HS6ST3: variants seen among roughly 807,000 people sequenced by gnomAD.
HS6ST3 encodes the protein heparan sulfate 6-O-sulfotransferase 3.
HS6ST3 carries 12 observed loss-of-function variants against 36.7 expected under a neutral mutation model. The observed-to-expected ratio is 0.33, with a 90% CI of 0.21 to 0.53. The LOEUF is 0.53. Ranked by LOEUF, HS6ST3 falls within the 20% of genes least tolerant of loss-of-function variation. The probability of loss-of-function intolerance (pLI) is 0.95; values close to 1 mark genes in which losing one functional copy is unlikely to be tolerated. For synonymous variants in HS6ST3, 240 were observed against 257.5 expected, an observed-to-expected ratio of 0.93 and a Z score of 0.65; for missense variants, 584 against 640.9, an observed-to-expected ratio of 0.91 and a Z score of 0.96.
At chr13:96,153,018 C>T (rs2054094587) in intron 1 of HS6ST3, among the ~76,000 whole-genome samples, 1 of 152,196 alleles carries the variant, frequency 6.6e-6, no homozygotes, top group Non-Finnish European at 1.5e-5. Flanking sequence ...TACCACTCTT[C>T]AGTAGCACCT....
chr13:96,634,066 A>G (rs957389781), intron 1 of HS6ST3, among the ~76,000 whole-genome samples: 2 of 152,166 alleles, frequency 1.3e-5, no homozygotes, highest in African/African-American at 2.4e-5. Context: ...ATGAGGAGGC[A>G]GCCATCTGCA....
intron 1 of HS6ST3, among the ~76,000 whole-genome samples, chr13:96,393,410 T>G (rs1157001082): frequency 6.6e-6 from 1 of 152,214 alleles, no homozygotes; most frequent in Non-Finnish European, 1.5e-5. Flanking sequence ...TTATAATAAC[T>G]TAAAAAGTGA....
At chr13:96,615,939 A>G (rs2056472914) in intron 1 of HS6ST3, among the ~76,000 whole-genome samples, 1 of 152,210 alleles carries the variant, frequency 6.6e-6, no homozygotes, top group African/African-American at 2.4e-5. Flanking sequence ...AATTATAGTA[A>G]ATGAAACTTT....
chr13:96,093,812 G>A (rs73545180), intron 1 of HS6ST3, among the ~76,000 whole-genome samples: 38 of 152,258 alleles, frequency 2.5e-4, no homozygotes, highest in African/African-American at 8.7e-4. Context: ...TTAGTTGTCT[G>A]TCATTGTAAT....
chr13:96,460,818 A>G (rs2055780616), intron 1 of HS6ST3, among the ~76,000 whole-genome samples: 1 of 152,168 alleles, frequency 6.6e-6, no homozygotes, highest in African/African-American at 2.4e-5. Flanking sequence ...GACCTATTTG[A>G]CTTGTCTCTC....
chr13:96,620,133 C>G lies in HS6ST3; in HGVS notation c.708-212357C>G, dbSNP rs932699999. 1.2e-4 allele frequency among the ~76,000 whole-genome samples: 19 copies of G among 152,208 alleles called. No homozygotes were observed. In the East Asian group the frequency reaches 2.7e-3, roughly 22 times the overall value. On this transcript the variant is annotated intron_variant, in intron 1 of 1. Transcript: ENST00000376705. ...TGGGGATGGGGATGCCCATGCATGACTTACCTGAGTGATTTAAAGCACCCA... is the reference window on the plus strand; with the variant it reads ...TGGGGATGGGGATGCCCATGCATGAGTTACCTGAGTGATTTAAAGCACCCA...
At chr13:96,588,153 TTG>T (rs953790335) in intron 1 of HS6ST3, among the ~76,000 whole-genome samples, 1 of 152,070 alleles carries the variant, frequency 6.6e-6, no homozygotes, top group Non-Finnish European at 1.5e-5. Flanking sequence ...TTTATGTGTA[TTG>T]TGTGTGTGTA....
chr13:96,346,900 T>A (rs1450841406), intron 1 of HS6ST3, among the ~76,000 whole-genome samples: 1 of 152,220 alleles, frequency 6.6e-6, no homozygotes, highest in African/African-American at 2.4e-5. Flanking sequence ...GCTATCATGC[T>A]GGCTGACTTT....
chr13:96,327,081 C>T lies in HS6ST3; in HGVS notation c.707+235512C>T, dbSNP rs1214943994. On this transcript the variant is annotated intron_variant, in intron 1 of 1. Coordinates refer to ENST00000376705, the MANE Select transcript of HS6ST3 (RefSeq NM_153456.4). Reference sequence around the variant, plus strand: ...TTCATTGTAGATTCTGGATATTAGCCCTTTGTCAGATGAGTAGGTTGTGAA... The same window carrying T: ...TTCATTGTAGATTCTGGATATTAGCTCTTTGTCAGATGAGTAGGTTGTGAA... Among the ~76,000 whole-genome samples the T allele has an allele frequency of 2.8e-5, 4 of 141,894 alleles. 1 individual carries two copies. Among genetic ancestry groups the T allele is most frequent in the Admixed American group, 1.4e-4 (2 of 14,406 alleles). The allele number at this position is 141,894 out of a possible 152,430, so 93.1% of individuals were successfully genotyped here.
chr13:96,654,265 A>C (rs968539389), intron 1 of HS6ST3, among the ~76,000 whole-genome samples: 7 of 152,110 alleles, frequency 4.6e-5, no homozygotes, highest in African/African-American at 1.7e-4. Context: ...TTGGTGTTTT[A>C]GTCATTAAGT....
At chr13:96,540,585 G>A (rs7329530) in intron 1 of HS6ST3, among the ~76,000 whole-genome samples, 10,739 of 152,162 alleles carry the variant, frequency 0.071, 430 homozygotes, top group Middle Eastern at 0.096. Context: ...TTTAGATTTG[G>A]TTAATGGATT....
intron 1 of HS6ST3, among the ~76,000 whole-genome samples, chr13:96,825,613 A>C (rs529039136): frequency 4.6e-5 from 7 of 152,276 alleles, no homozygotes; most frequent in Non-Finnish European, 1.0e-4. Context: ...GAGATCTTTA[A>C]TACTGTTTAA....
chr13:96,352,087 A>G (rs1195380506), intron 1 of HS6ST3, among the ~76,000 whole-genome samples: 1 of 152,244 alleles, frequency 6.6e-6, no homozygotes, highest in Non-Finnish European at 1.5e-5. Context: ...AATATTCAAT[A>G]ATATGAGGAG....
chr13:96,143,580 T>C (rs2054042418), intron 1 of HS6ST3, among the ~76,000 whole-genome samples: 2 of 151,872 alleles, frequency 1.3e-5, no homozygotes, highest in African/African-American at 2.4e-5. Context: ...CTAAAAATAA[T>C]ACTATGATTT....
chr13:96,558,140 C>T lies in HS6ST3; in HGVS notation c.708-274350C>T, dbSNP rs577414186. On this transcript the variant is annotated intron_variant, in intron 1 of 1. Transcript: ENST00000376705. ...TTATCTCTATCTTCTCCTCAATGCT[C>T]GTTACATTCCTATTTTATAAATAAA... is the stretch of plus-strand genomic sequence containing the variant. 7.2e-5 allele frequency among the ~76,000 whole-genome samples: 11 copies of T among 152,224 alleles called. No homozygotes were observed. In the East Asian group the frequency reaches 1.5e-3, roughly 21 times the overall value.
intron 1 of HS6ST3, among the ~76,000 whole-genome samples, chr13:96,674,194 C>T (rs1260917971): frequency 6.6e-6 from 1 of 151,928 alleles, no homozygotes; most frequent in East Asian, 1.9e-4. Flanking sequence ...TTTGTGGAAA[C>T]GTCTCCTTCC....
chr13:96,786,408 G>T lies in HS6ST3; in HGVS notation c.708-46082G>T, dbSNP rs547120420. 2.0e-5 allele frequency among the ~76,000 whole-genome samples: 3 copies of T among 152,204 alleles called. No individual in the cohort carries two copies. In the East Asian group the frequency reaches 5.8e-4, roughly 29 times the overall value. On this transcript the variant is annotated intron_variant, in intron 1 of 1. Transcript: ENST00000376705. The stretch of plus-strand genomic sequence containing the variant: ...TTGTGTCTGTTTCCCTCATGAGTTT[G>T]TAAATTCCTTAATGTCAAACCATCT...
At chr13:96,495,829 T>TA (rs1297411180) in intron 1 of HS6ST3, among the ~76,000 whole-genome samples, 8 of 152,002 alleles carry the variant, frequency 5.3e-5, no homozygotes, top group East Asian at 1.9e-4. Context: ...CAAAACATCA[T>TA]AAAAAAAATA....
At chr13:96,810,873 T>C (rs1878302978) in intron 1 of HS6ST3, among the ~76,000 whole-genome samples, 1 of 152,216 alleles carries the variant, frequency 6.6e-6, no homozygotes, top group Non-Finnish European at 1.5e-5. Context: ...AATTTTTCTT[T>C]TACTTGTGTT....
Sources: allele counts gnomAD v4.1 joint callset (sites outside exome capture counted in the v4.1 genomes callset), GRCh38; gene constraint gnomAD v4.1.1; transcripts MANE v1.5; gene names NCBI Gene and HGNC (gene_info 2026-07-23, HGNC 2026-07-21).